DPP6: variants seen among roughly 807,000 people sequenced by gnomAD.
The protein encoded by DPP6 is dipeptidyl peptidase like 6, also known as A-type potassium channel modulatory protein DPP6.
Under a neutral mutation model 122.6 loss-of-function variants are expected in DPP6, and 69 were observed. That is an observed-to-expected ratio of 0.56 (90% CI 0.46 to 0.69). The LOEUF (loss-of-function observed/expected upper bound fraction) is 0.69, where lower values mean the gene tolerates loss of function less well. DPP6 is among the 30% of genes least tolerant of loss of function. The pLI is 0.00. For synonymous variants in DPP6, 418 were observed against 433.1 expected, an observed-to-expected ratio of 0.97 and a Z score of 0.43; for missense variants, 928 against 1,116.9, an observed-to-expected ratio of 0.83 and a Z score of 2.41.
intron 1 of DPP6, among the ~76,000 whole-genome samples, chr7:154,323,638 A>G (rs1431766044): frequency 6.6e-6 from 1 of 152,240 alleles, no homozygotes; most frequent in African/African-American, 2.4e-5. Flanking sequence ...GGAGAACTCC[A>G]GGAATAATAT....
chr7:154,723,910 A>G (rs1188819534), intron 7 of DPP6, among the ~76,000 whole-genome samples: 1 of 152,200 alleles, frequency 6.6e-6, no homozygotes, highest in Non-Finnish European at 1.5e-5. Flanking sequence ...TGAGGTACCC[A>G]TAAGGATGTG....
intron 1 of DPP6, among the ~76,000 whole-genome samples, chr7:154,326,679 T>G (rs796826349): frequency 2.0e-5 from 3 of 152,270 alleles, no homozygotes; most frequent in South Asian, 4.1e-4. Context: ...ACTGCAATCA[T>G]CGTCATACAA....
chr7:154,378,743 A>G (rs1813335950), intron 1 of DPP6, among the ~76,000 whole-genome samples: 1 of 152,240 alleles, frequency 6.6e-6, no homozygotes, highest in African/African-American at 2.4e-5. Context: ...TGAAGAAAAG[A>G]GGTTTAGTTG....
intron 1 of DPP6, among the ~76,000 whole-genome samples, chr7:154,341,615 G>A (rs1479536446): frequency 6.6e-6 from 1 of 151,436 alleles, no homozygotes; most frequent in African/African-American, 2.4e-5. Context: ...TTGAATAATA[G>A]GATTATATAA....
intron 16 of DPP6, among the ~76,000 whole-genome samples, chr7:154,825,387 C>T (rs6965148): frequency 0.79 from 119,932 of 152,214 alleles, 47,400 homozygotes; most frequent in Non-Finnish European, 0.82. Context: ...AGTAAGACAG[C>T]GTTCATAGTA....
At chr7:153,796,695 G>C in the DPP6 span, among the ~76,000 whole-genome samples, 8 of 152,162 alleles carry the variant, frequency 5.3e-5, no homozygotes, top group African/African-American at 1.9e-4. Flanking sequence ...CCTAGAGACT[G>C]AGTTCAATGG....
intron 7 of DPP6, among the ~76,000 whole-genome samples, chr7:154,687,483 T>G (rs1443660862): frequency 6.6e-6 from 1 of 152,246 alleles, no homozygotes; most frequent in Non-Finnish European, 1.5e-5. Flanking sequence ...GCATTTTCTA[T>G]TCATGTCACA....
chr7:154,383,191 C>T (rs1221504998), intron 1 of DPP6, among the ~76,000 whole-genome samples: 4 of 152,118 alleles, frequency 2.6e-5, no homozygotes, highest in Non-Finnish European at 4.4e-5. Context: ...CCAGGGTGCA[C>T]AATCAGAAAA....
intron 17 of DPP6, among the ~76,000 whole-genome samples, chr7:154,855,356 T>G (rs1213066831): frequency 6.6e-6 from 1 of 152,176 alleles, no homozygotes; most frequent in Non-Finnish European, 1.5e-5. Context: ...GATGTCAGAA[T>G]GGATATACAA....
intron 1 of DPP6, among the ~76,000 whole-genome samples, chr7:154,340,278 C>T (rs1006361674): frequency 5.9e-5 from 9 of 152,180 alleles, no homozygotes; most frequent in Non-Finnish European, 1.2e-4. Context: ...TTTACAATCA[C>T]GAATGTTATT....
At chr7:154,407,497 A>G (rs1816218115) in intron 1 of DPP6, among the ~76,000 whole-genome samples, 2 of 152,212 alleles carry the variant, frequency 1.3e-5, no homozygotes, top group South Asian at 2.1e-4. Context: ...GATTTTCGCT[A>G]CAACGATTTT....
At chr7:153,983,519 G>T (rs1280222369) in intron 1 of DPP6, among the ~76,000 whole-genome samples, 1 of 152,152 alleles carries the variant, frequency 6.6e-6, no homozygotes, top group East Asian at 1.9e-4. Flanking sequence ...AGACCACTTG[G>T]CTCCCTGGCC....
At chr7:153,821,948 G>A in the DPP6 span, among the ~76,000 whole-genome samples, 2 of 152,150 alleles carry the variant, frequency 1.3e-5, no homozygotes, top group East Asian at 1.9e-4. Context: ...TACAGCTGGG[G>A]ACCTACAGCG....
Position 154,014,527 on chromosome 7 carries a change from C to T in DPP6, c.51+126793C>T, listed in dbSNP as rs139872683. On this transcript the variant is annotated intron_variant, in intron 1 of 25. Coordinates refer to the DPP6 transcript ENST00000404039. Reference sequence around the variant, plus strand: ...AAAATTAACCATGTGTGGTGGCACACGCGTGTAGTCCCAGCTACTTGGGAG... The same window carrying T: ...AAAATTAACCATGTGTGGTGGCACATGCGTGTAGTCCCAGCTACTTGGGAG... Among the ~76,000 whole-genome samples, 380 of 151,750 alleles carry T rather than the reference C, an allele frequency of 2.5e-3. 1 individual carries two copies. Among genetic ancestry groups the T allele is most frequent in the African/African-American group, 8.4e-3 (348 of 41,300 alleles).
chr7:154,797,992 A>G (rs1313492870), intron 12 of DPP6, among the ~76,000 whole-genome samples: 1 of 152,218 alleles, frequency 6.6e-6, no homozygotes, highest in Admixed American at 6.5e-5. Flanking sequence ...CGTGGTGGAC[A>G]TGGAGCAGGA....
At chr7:154,576,866 G>A (rs1831715970) in intron 5 of DPP6, among the ~76,000 whole-genome samples, 1 of 152,266 alleles carries the variant, frequency 6.6e-6, no homozygotes, top group East Asian at 1.9e-4. Flanking sequence ...ATTGCCACAG[G>A]CCTCAGAAAC....
intron 1 of DPP6, among the ~76,000 whole-genome samples, chr7:154,386,358 G>A (rs1415069858): frequency 6.6e-6 from 1 of 151,776 alleles, no homozygotes; most frequent in Non-Finnish European, 1.5e-5. Context: ...GAGGTCACTT[G>A]GATCGAGAAC....
chr7:153,932,625 TTAAACTTCCTCCAGACCTGGGGAAGAGGA>T (rs1235202983), intron 1 of DPP6, among the ~76,000 whole-genome samples: 4 of 152,178 alleles, frequency 2.6e-5, no homozygotes, highest in Admixed American at 2.0e-4. Flanking sequence ...GCATTGTTCA[TTAAACTTCCTCCAGACCTGGGGAAGAGGA>T]TAAACTTCCT....
chr7:154,321,786 A>G (rs1278391185), intron 1 of DPP6, among the ~76,000 whole-genome samples: 62 of 98,952 alleles, frequency 6.3e-4, no homozygotes, highest in Non-Finnish European at 8.9e-4. Flanking sequence ...CTCTGTCTCA[A>G]AAAAAAAAAA....
Sources: gnomAD v4.1 joint callset for allele counts (sites outside exome capture counted in the v4.1 genomes callset) on GRCh38, gnomAD v4.1.1 for gene constraint, MANE v1.5 for transcripts, NCBI Gene and HGNC (gene_info 2026-07-23, HGNC 2026-07-21) for gene names.